RBMS1: variants seen among roughly 807,000 people sequenced by gnomAD.
The protein encoded by RBMS1 is RNA-binding motif, single-stranded-interacting protein 1.
In RBMS1, 17 loss-of-function variants were observed where a neutral mutation model predicts 62.3. The observed-to-expected ratio is 0.27, with a 90% CI of 0.19 to 0.41. The LOEUF (loss-of-function observed/expected upper bound fraction) is 0.41. RBMS1 is among the 10% of genes least tolerant of loss of function. RBMS1 has a pLI of 1.00. For synonymous variants in RBMS1, 172 were observed against 170.0 expected (o/e 1.01, Z -0.09); for missense variants, 334 against 504.5 (o/e 0.66, Z 3.24).
Position 160,444,518 on chromosome 2 carries a change from G to A in RBMS1, c.75+48771C>T, listed in dbSNP as rs572445431. ...ATGATAAAGCTGTGAAATTACTATC[G>A]CTATTCTCAGTTTACAGAAAACCGA... On this transcript the variant is annotated intron_variant, in intron 1 of 13. Coordinates refer to ENST00000348849, the MANE Select transcript of RBMS1 (RefSeq NM_016836.4). Among the ~76,000 whole-genome samples, 8 of 152,086 alleles carry A rather than the reference G, an allele frequency of 5.3e-5. No homozygotes were observed. In the South Asian group the frequency reaches 8.3e-4, roughly 16 times the overall value.
At chr2:160,470,176 T>A (rs1684860181) in intron 1 of RBMS1, among the ~76,000 whole-genome samples, 1 of 152,242 alleles carries the variant, frequency 6.6e-6, no homozygotes, top group African/African-American at 2.4e-5. Context: ...TCCTAGCGTA[T>A]GTTAATTATC....
At position 160,481,108 on chromosome 2, in the gene RBMS1, CAGA is replaced by C. The variant is rs537592774; in HGVS notation, c.75+12178_75+12180del. Among the ~76,000 whole-genome samples, 971 of 146,950 alleles carry C rather than the reference CAGA, an allele frequency of 6.6e-3. 12 individuals are homozygous for C. Among genetic ancestry groups the C allele is most frequent in the African/African-American group, 0.023 (930 of 39,854 alleles). On this transcript the variant is annotated intron_variant, in intron 1 of 13. Transcript: ENST00000348849. ...AAAAAAAAAAAAAAAAGCAGGAGTC[CAGA>C]AGAAGAACCACACAAACATGTTCAC...
At chr2:160,324,880 G>GTATATATA (rs747823378) in intron 2 of RBMS1, among the ~76,000 whole-genome samples, 954 of 75,460 alleles carry the variant, frequency 0.013, 6 homozygotes, top group Middle Eastern at 0.019. Flanking sequence ...GTGTGTGTGT[G>GTATATATA]TGTATATATA....
chr2:160,338,523 TC>T (rs1691698169), intron 2 of RBMS1, among the ~76,000 whole-genome samples: 1 of 152,204 alleles, frequency 6.6e-6, no homozygotes, highest in African/African-American at 2.4e-5. Flanking sequence ...TAATGGCATG[TC>T]AAGCTCATCT....
At chr2:160,360,590 G>A (rs1693073483) in intron 2 of RBMS1, among the ~76,000 whole-genome samples, 1 of 152,158 alleles carries the variant, frequency 6.6e-6, no homozygotes, top group Non-Finnish European at 1.5e-5. Flanking sequence ...ACTGCCGAGT[G>A]CCAGCTCTGC....
At chr2:160,415,101 C>G (rs1052535607) in intron 1 of RBMS1, among the ~76,000 whole-genome samples, 1 of 151,766 alleles carries the variant, frequency 6.6e-6, no homozygotes, top group African/African-American at 2.4e-5. Context: ...ATGTCTCAAT[C>G]TTCTATACTC....
chr2:160,318,161 A>G lies in RBMS1; in HGVS notation c.310+8T>C. ...TCATTTACCAAATAACCAGCCAAGA[A>G]AACATACCTTTGCATTTGTTCGTTG... On this transcript the variant is annotated splice_region_variant and intron_variant, in intron 3 of 13. Coordinates refer to ENST00000348849, the MANE Select transcript of RBMS1 (RefSeq NM_016836.4). 1 of 1,600,698 alleles carries G rather than the reference A, an allele frequency of 6.2e-7. No individual in the cohort carries two copies.
chr2:160,340,117 AAT>A (rs1344678535), intron 2 of RBMS1, among the ~76,000 whole-genome samples: 1 of 152,118 alleles, frequency 6.6e-6, no homozygotes, highest in African/African-American at 2.4e-5. Context: ...TATACTTTTT[AAT>A]GTTATTTTTT....
chr2:160,407,628 G>A (rs1037150470), intron 1 of RBMS1: 3 of 981,632 alleles, frequency 3.1e-6, no homozygotes, highest in African/African-American at 1.8e-5. Context: ...GGCCGGGCCC[G>A]GGGCCGCGGC....
chr2:160,478,215 C>T (rs889418929), intron 1 of RBMS1, among the ~76,000 whole-genome samples: 8 of 152,222 alleles, frequency 5.3e-5, no homozygotes, highest in Admixed American at 5.2e-4. Context: ...TGTCCACGGT[C>T]CTTTCCTTCT....
chr2:160,320,680 C>A (rs370076113), intron 2 of RBMS1, among the ~76,000 whole-genome samples: 1 of 152,136 alleles, frequency 6.6e-6, no homozygotes, highest in East Asian at 1.9e-4. Flanking sequence ...CACACCTTCT[C>A]CCCTTTGCCT....
At chr2:160,340,328 G>A (rs1691803676) in intron 2 of RBMS1, among the ~76,000 whole-genome samples, 1 of 152,092 alleles carries the variant, frequency 6.6e-6, no homozygotes, top group Non-Finnish European at 1.5e-5. Flanking sequence ...ACATCTTTGA[G>A]TTTATCTTCT....
intron 3 of RBMS1, among the ~76,000 whole-genome samples, chr2:160,317,558 G>A (rs1690292700): frequency 6.6e-6 from 1 of 152,056 alleles, no homozygotes. Context: ...TAATTACATG[G>A]AAAACTGAAG....
rs1432592252 is a variant in RBMS1 at position 160,493,414 on chromosome 2, C to G, written c.-51G>C. The G allele has an allele frequency of 6.3e-7, 1 of 1,576,388 alleles. No homozygotes were observed. ...AGGGTCGCGGACACTTTGGGGTTTC[C>G]AAGTCTCGGGCTCTCCTGCCTCTCC... On this transcript the variant is annotated 5_prime_UTR_variant, in exon 1 of 14. Coordinates refer to ENST00000348849, the MANE Select transcript of RBMS1 (RefSeq NM_016836.4).
intron 1 of RBMS1, among the ~76,000 whole-genome samples, chr2:160,491,450 C>A (rs1685823958): frequency 6.6e-6 from 1 of 152,186 alleles, no homozygotes; most frequent in Non-Finnish European, 1.5e-5. Flanking sequence ...TTCTGGGATC[C>A]GACCCTAATT....
At chr2:160,394,605 A>C (rs1415655326) in intron 1 of RBMS1, among the ~76,000 whole-genome samples, 1 of 152,248 alleles carries the variant, frequency 6.6e-6, no homozygotes, top group East Asian at 1.9e-4. Context: ...GAGAAATTAA[A>C]AGCAAAAAAA....
At chr2:160,345,271 A>T (rs940064374) in intron 2 of RBMS1, among the ~76,000 whole-genome samples, 1 of 152,130 alleles carries the variant, frequency 6.6e-6, no homozygotes, top group Admixed American at 6.6e-5. Flanking sequence ...ACCAGAAATG[A>T]TCAGTTTATA....
At chr2:160,277,443 T>TG (rs1172527807) in intron 11 of RBMS1, 60 bp from the exon 12 acceptor site, 36 of 1,299,492 alleles carry the variant, frequency 2.8e-5, no homozygotes, top group Non-Finnish European at 3.4e-5. Flanking sequence ...TTGGAGTACG[T>TG]GGGGGGATTG....
chr2:160,378,785 T>C (rs2105183602), intron 1 of RBMS1, among the ~76,000 whole-genome samples: 1 of 152,306 alleles, frequency 6.6e-6, no homozygotes, highest in South Asian at 2.1e-4. Context: ...CAAAACAAGT[T>C]ACTTCATACT....
Sources: allele counts gnomAD v4.1 joint callset (sites outside exome capture counted in the v4.1 genomes callset), GRCh38; gene constraint gnomAD v4.1.1; transcripts MANE v1.5; gene names NCBI Gene and HGNC (gene_info 2026-07-23, HGNC 2026-07-21).